IRAG2: variants seen among roughly 807,000 people sequenced by gnomAD.
IRAG2 encodes inositol 1,4,5-triphosphate receptor associated 2.
IRAG2 carries 45 observed loss-of-function variants against 69.9 expected under a neutral mutation model. The ratio of observed to expected loss-of-function variants is 0.64; its 90% confidence interval spans 0.51 to 0.83. The LOEUF (loss-of-function observed/expected upper bound fraction) is 0.83, where lower values mean the gene tolerates loss of function less well. Among genes scored for constraint, IRAG2 ranks in the 40% least tolerant of loss-of-function variants. The probability of loss-of-function intolerance (pLI) is 0.00; values close to 1 mark genes in which losing one functional copy is unlikely to be tolerated. For synonymous variants in IRAG2, 193 were observed against 202.4 expected, an observed-to-expected ratio of 0.95 and a Z score of 0.40; for missense variants, 520 against 587.0, an observed-to-expected ratio of 0.89 and a Z score of 1.18.
At chr12:25,070,995 T>C (rs1280013793) in intron 6 of IRAG2, among the ~76,000 whole-genome samples, 2 of 152,220 alleles carry the variant, frequency 1.3e-5, no homozygotes, top group East Asian at 3.8e-4. Context: ...CTTTTCACTA[T>C]TGAATTGTAC....
intron 2 of IRAG2, among the ~76,000 whole-genome samples, chr12:25,009,476 A>G (rs1277690366): frequency 6.6e-6 from 1 of 152,236 alleles, no homozygotes; most frequent in Non-Finnish European, 1.5e-5. Context: ...TTCTCTGAAG[A>G]AAATAAGAAA....
chr12:25,094,549 G>A (rs1466130585), intron 14 of IRAG2, among the ~76,000 whole-genome samples: 1 of 151,870 alleles, frequency 6.6e-6, no homozygotes, highest in Admixed American at 6.6e-5. Context: ...TGGCTATTAG[G>A]GTCCCTTTAG....
intron 13 of IRAG2, 98 bp downstream of exon 13, chr12:25,089,888 T>G (rs1947918111): frequency 7.4e-7 from 1 of 1,358,090 alleles, no homozygotes; most frequent in African/African-American, 1.4e-5. Context: ...ATATGCTCGG[T>G]GTCTGTTTGG....
At chr12:25,041,063 G>A (rs1944744592) in intron 16 of IRAG2, among the ~76,000 whole-genome samples, 1 of 152,202 alleles carries the variant, frequency 6.6e-6, no homozygotes, top group South Asian at 2.1e-4. Flanking sequence ...AGCTGAGTGG[G>A]GCGAGGGAGT....
intron 9 of IRAG2, among the ~76,000 whole-genome samples, chr12:25,027,585 C>T (rs970992036): frequency 6.6e-6 from 1 of 151,526 alleles, no homozygotes; most frequent in African/African-American, 2.4e-5. Flanking sequence ...TAGTAGAGAC[C>T]GGGTTTCACC....
intron 16 of IRAG2, among the ~76,000 whole-genome samples, chr12:25,039,478 T>C (rs1275772526): frequency 6.6e-6 from 1 of 152,242 alleles, no homozygotes; most frequent in Non-Finnish European, 1.5e-5. Context: ...TCACCCAGGC[T>C]GGAGTGCAGT....
upstream of IRAG2, among the ~76,000 whole-genome samples, chr12:25,050,259 G>A (rs545393357): frequency 3.3e-5 from 5 of 151,904 alleles, no homozygotes; most frequent in South Asian, 2.1e-4. Context: ...GGCCGGGTGC[G>A]GTGGCTCATG....
intron 2 of IRAG2, chr12:25,011,259 G>T (rs535187240): frequency 3.1e-6 from 3 of 957,074 alleles, no homozygotes; most frequent in Non-Finnish European, 4.1e-6. Flanking sequence ...GGACTGCCAG[G>T]GTTATATATC....
Position 25,101,252 on chromosome 12 carries a change from G to C in IRAG2, c.816G>C (p.Glu272Asp), listed in dbSNP as rs1469132394. Reference protein sequence around the residue: ...VENLKRMYAKEHAELEELKQV... With the variant: ...VENLKRMYAKDHAELEELKQV... ...ACTTGAAGAGGATGTATGCCAAAGAGCACGCTGAATTAGAAGAACTGAAAC... is the reference window on the plus strand; with the variant it reads ...ACTTGAAGAGGATGTATGCCAAAGACCACGCTGAATTAGAAGAACTGAAAC... The change falls in exon 16 of 22, where the codon GAG becomes GAC. Residue 272 changes from glutamate to aspartate, a missense_variant. By Grantham distance (45) the Glu-to-Asp change is conservative. Transcript: ENST00000556887. 6.2e-7 allele frequency: 1 copy of C among 1,612,292 alleles called. No homozygotes were observed. Among genetic ancestry groups the C allele is most frequent in the Non-Finnish European group, 8.5e-7 (1 of 1,178,842 alleles).
chr12:25,047,514 A>G (rs1944804670), upstream of IRAG2, among the ~76,000 whole-genome samples: 1 of 152,094 alleles, frequency 6.6e-6, no homozygotes, highest in Admixed American at 6.5e-5. Context: ...GGTTTATTGC[A>G]TAGGTAAATG....
At chr12:25,031,365 G>A (rs566629813) in intron 10 of IRAG2, among the ~76,000 whole-genome samples, 3 of 152,228 alleles carry the variant, frequency 2.0e-5, no homozygotes, top group Non-Finnish European at 4.4e-5. Flanking sequence ...CAGCCACCAC[G>A]CTAGCCACAG....
intron 11 of IRAG2, among the ~76,000 whole-genome samples, chr12:25,089,089 C>A (rs1947849025): frequency 6.6e-6 from 1 of 152,098 alleles, no homozygotes; most frequent in Non-Finnish European, 1.5e-5. Context: ...AATACATAGT[C>A]CTTGGTAAAG....
intron 20 of IRAG2, 29 bp downstream of exon 20, chr12:25,104,491 C>A: frequency 1.7e-6 from 2 of 1,193,292 alleles, no homozygotes; most frequent in Non-Finnish European, 2.5e-6. Flanking sequence ...GTTTATTAAC[C>A]TGACATGAAC....
intron 5 of IRAG2, 150 bp downstream of exon 5, chr12:25,066,662 TTTC>T (rs967685596): frequency 4.9e-5 from 19 of 390,128 alleles, no homozygotes; most frequent in African/African-American, 3.1e-4. Flanking sequence ...AATTTCTTTC[TTTC>T]TTTTTTTTTT....
chr12:25,080,995 AAAACTGATAGTGCC>A (rs1947166279), intron 9 of IRAG2, among the ~76,000 whole-genome samples: 1 of 152,226 alleles, frequency 6.6e-6, no homozygotes, highest in Non-Finnish European at 1.5e-5. Flanking sequence ...GTGGATTCCC[AAAACTGATAGTGCC>A]AAATCCTATA....
intron 7 of IRAG2, among the ~76,000 whole-genome samples, chr12:25,022,241 G>A (rs376967377): frequency 6.6e-6 from 1 of 152,078 alleles, no homozygotes; most frequent in Non-Finnish European, 1.5e-5. Flanking sequence ...CAGAATTTTG[G>A]CCTGCACTTT....
At chr12:25,042,556 C>T (rs932704691) in intron 16 of IRAG2, among the ~76,000 whole-genome samples, 1 of 152,146 alleles carries the variant, frequency 6.6e-6, no homozygotes, top group East Asian at 1.9e-4. Context: ...GCCTCTGCCT[C>T]CCAGGTTCAA....
intron 11 of IRAG2, 124 bp downstream of exon 11, chr12:25,088,281 A>G: frequency 1.4e-6 from 1 of 740,230 alleles, no homozygotes; most frequent in Non-Finnish European, 2.3e-6. Flanking sequence ...AAGGTCAGTC[A>G]ATAGGACCGA....
chr12:25,067,559 C>G (rs1352633409), intron 5 of IRAG2, among the ~76,000 whole-genome samples: 1 of 152,168 alleles, frequency 6.6e-6, no homozygotes. Flanking sequence ...TTGCCAAGAT[C>G]CCCTTCTTGG....
Sources: gnomAD v4.1 joint callset for allele counts (sites outside exome capture counted in the v4.1 genomes callset) on GRCh38, gnomAD v4.1.1 for gene constraint, MANE v1.5 for transcripts, NCBI Gene and HGNC (gene_info 2026-07-23, HGNC 2026-07-21) for gene names.